TSTD2: variants seen among roughly 807,000 people sequenced by gnomAD.
TSTD2 encodes the protein thiosulfate sulfurtransferase like domain containing 2.
In TSTD2, 37 loss-of-function variants were observed where a neutral mutation model predicts 47.9. The observed-to-expected ratio is 0.77, with a 90% CI of 0.59 to 1.02. The LOEUF (loss-of-function observed/expected upper bound fraction) is 1.02, where lower values mean the gene tolerates loss of function less well. TSTD2 is among the 50% of genes least tolerant of loss of function. TSTD2 has a pLI of 0.00. For missense variants in TSTD2, 586 were observed against 616.0 expected, an observed-to-expected ratio of 0.95 and a Z score of 0.52; for synonymous variants, 201 against 215.9, an observed-to-expected ratio of 0.93 and a Z score of 0.61.
At chr9:97,609,368 A>C (rs964964052) in intron 6 of TSTD2, among the ~76,000 whole-genome samples, 1 of 152,210 alleles carries the variant, frequency 6.6e-6, no homozygotes, top group Non-Finnish European at 1.5e-5. Flanking sequence ...TGGGAATACA[A>C]TTATTATTGT....
At position 97,625,732 on chromosome 9, in the gene TSTD2, ACGTC is replaced by A; in HGVS notation, c.427_430del (p.Asp143CysfsTer8). ...GCTTATATCAGGGAGCCAAGCAGAC[ACGTC>A]ATGGCTATGTGGAAGGCACTCTTTT... On this transcript the variant is annotated frameshift_variant, in exon 3 of 10. Coordinates refer to ENST00000341170, the MANE Select transcript of TSTD2 (RefSeq NM_139246.5). LOFTEE classifies it high-confidence loss of function. The A allele has an allele frequency of 6.2e-7, 1 of 1,614,088 alleles. No individual in the cohort carries two copies. Among genetic ancestry groups the A allele is most frequent in the East Asian group, 2.2e-5 (1 of 44,878 alleles).
At chr9:97,611,807 G>C (rs1587978137) in intron 4 of TSTD2, 108 bp from the exon 5 acceptor site, 5 of 1,182,908 alleles carry the variant, frequency 4.2e-6, no homozygotes, top group Non-Finnish European at 4.8e-6. Flanking sequence ...AGGAAAAGCA[G>C]AGACGCTGAT....
At chr9:97,611,806 A>G (rs1489241604) in intron 4 of TSTD2, 107 bp from the exon 5 acceptor site, 2 of 1,172,372 alleles carry the variant, frequency 1.7e-6, no homozygotes, top group Non-Finnish European at 2.4e-6. Flanking sequence ...CAGGAAAAGC[A>G]GAGACGCTGA....
chr9:97,609,644 G>A (rs1211253695), intron 6 of TSTD2, among the ~76,000 whole-genome samples: 5 of 152,052 alleles, frequency 3.3e-5, no homozygotes, highest in South Asian at 2.1e-4. Flanking sequence ...ATGTGATATC[G>A]TTTTGCATCT....
At chr9:97,621,299 G>A (rs944417044) in intron 3 of TSTD2, among the ~76,000 whole-genome samples, 10 of 152,146 alleles carry the variant, frequency 6.6e-5, no homozygotes, top group Non-Finnish European at 1.0e-4. Flanking sequence ...TTCATAAGCT[G>A]AGGATGTATG....
chr9:97,601,376 C>A lies in TSTD2; in HGVS notation c.*1093G>T. 5.6e-6 allele frequency: 6 copies of A among 1,071,656 alleles called. No homozygotes were observed. In the South Asian group the frequency reaches 9.8e-5, roughly 17 times the overall value. The allele number at this position is 1,071,656 out of a possible 1,614,324, so 66.4% of individuals were successfully genotyped here. ...CCTCAGTAAGAATGTGTCATGTATT[C>A]CAGGTGCTGATCTAAAAACTGTGGC... On this transcript the variant is annotated 3_prime_UTR_variant, in exon 10 of 10. Coordinates refer to ENST00000341170, the MANE Select transcript of TSTD2 (RefSeq NM_139246.5).
Position 97,601,599 on chromosome 9 carries a change from C to G in TSTD2, c.*870G>C. On this transcript the variant is annotated 3_prime_UTR_variant, in exon 10 of 10. Transcript: ENST00000341170. Reference sequence around the variant, plus strand: ...GCTGCTGGTCTAGATCAGGGGCTGGCAAACTTTTCTGTAAAAGGCCAGACA... The same window carrying G: ...GCTGCTGGTCTAGATCAGGGGCTGGGAAACTTTTCTGTAAAAGGCCAGACA... 1.0e-6 allele frequency: 1 copy of G among 987,144 alleles called. No individual in the cohort carries two copies. The highest frequency in any genetic ancestry group is 4.7e-5 in the South Asian group (1 of 21,422). The allele number at this position is 987,144 out of a possible 1,614,324, so 61.1% of individuals were successfully genotyped here.
intron 3 of TSTD2, among the ~76,000 whole-genome samples, chr9:97,624,929 CCTTT>C (rs1245379374): frequency 6.6e-6 from 1 of 152,040 alleles, no homozygotes; most frequent in African/African-American, 2.4e-5. Context: ...AGAAACCCCC[CCTTT>C]TTTTTGCTTA....
At chr9:97,625,267 T>C (rs1454860590) in intron 3 of TSTD2, among the ~76,000 whole-genome samples, 2 of 152,260 alleles carry the variant, frequency 1.3e-5, no homozygotes, top group African/African-American at 4.8e-5. Context: ...TAGCAGTTCA[T>C]AGCACTTTAT....
At chr9:97,631,665 G>A (rs930020149) in intron 1 of TSTD2, among the ~76,000 whole-genome samples, 1 of 152,090 alleles carries the variant, frequency 6.6e-6, no homozygotes, top group Non-Finnish European at 1.5e-5. Context: ...CCAACATGGC[G>A]AAACCCCATC....
chr9:97,626,152 T>G (rs1281599228), intron 2 of TSTD2, among the ~76,000 whole-genome samples, 155 bp from the exon 3 acceptor site: 1 of 152,224 alleles, frequency 6.6e-6, no homozygotes, highest in Non-Finnish European at 1.5e-5. Context: ...ACACTTCTCT[T>G]ATTAGTAAGC....
intron 1 of TSTD2, among the ~76,000 whole-genome samples, chr9:97,632,770 AT>A (rs976231735): frequency 1.3e-5 from 2 of 152,170 alleles, no homozygotes; most frequent in African/African-American, 4.8e-5. Context: ...TTTACAGATA[AT>A]TGTTATGTAA....
Position 97,601,161 on chromosome 9 carries a change from C to T in TSTD2, c.*1308G>A, listed in dbSNP as rs1465325722. ...GAGTGGCACCATGTTGCAGGGACAA[C>T]CATCCCCATTTGGCTTCTCCTTAAA... On this transcript the variant is annotated 3_prime_UTR_variant, in exon 10 of 10. Transcript: ENST00000341170. 2.9e-5 allele frequency: 38 copies of T among 1,301,786 alleles called. No individual in the cohort carries two copies. Among genetic ancestry groups the T allele is most frequent in the Non-Finnish European group, 3.8e-5 (38 of 988,046 alleles). The allele number at this position is 1,301,786 out of a possible 1,614,324, so 80.6% of individuals were successfully genotyped here.
intron 1 of TSTD2, among the ~76,000 whole-genome samples, chr9:97,632,849 A>C (rs1826856436): frequency 6.6e-6 from 1 of 152,230 alleles, no homozygotes; most frequent in East Asian, 1.9e-4. Context: ...GACGTCATTT[A>C]CTGAAATGGG....
chr9:97,627,317 G>T, intron 2 of TSTD2, 81 bp downstream of exon 2: 1 of 1,499,210 alleles, frequency 6.7e-7, no homozygotes. Flanking sequence ...TTGAGCTGGA[G>T]AGCAACCTTG....
In TSTD2 at chr9:97,606,288, TAAAAC is replaced by T. The variant is rs760292902; in HGVS notation, c.836-32_836-28del. 4.8e-6 allele frequency: 7 copies of T among 1,452,884 alleles called. No individual in the cohort carries two copies. In the East Asian group the frequency reaches 6.8e-5, roughly 14 times the overall value. The allele number at this position is 1,452,884 out of a possible 1,614,324, so 90.0% of individuals were successfully genotyped here. On this transcript the variant is annotated intron_variant, in intron 6 of 9. Coordinates refer to ENST00000341170, the MANE Select transcript of TSTD2 (RefSeq NM_139246.5). ...TAAAACCAAACCAAAAAAATTATAT[TAAAAC>T]AAAGACAAAAAAACCAAAACCCAAT...
chr9:97,630,510 T>A (rs73551089), intron 1 of TSTD2, among the ~76,000 whole-genome samples: 2,135 of 126,100 alleles, frequency 0.017, 102 homozygotes, highest in East Asian at 0.13. Flanking sequence ...AACAAACAAA[T>A]CATGAAAATA....
At chr9:97,605,260 C>A (rs1826345407) in intron 8 of TSTD2, among the ~76,000 whole-genome samples, 1 of 152,222 alleles carries the variant, frequency 6.6e-6, no homozygotes, top group African/African-American at 2.4e-5. Flanking sequence ...CCTTTTACAT[C>A]TGATGAGTCT....
At position 97,606,249 on chromosome 9, in the gene TSTD2, G is replaced by A. The variant is rs780228441; in HGVS notation, c.848C>T (p.Ser283Phe). ...TACTTCTTTATGAAATTCACCTGGGGATAAATGGATTCCTAAAACCAAACC... is the reference window on the plus strand; with the variant it reads ...TACTTCTTTATGAAATTCACCTGGGAATAAATGGATTCCTAAAACCAAACC... ...ISYKKPGIHL[S>F]PGEFHKEVEK... The change falls in exon 7 of 10, where the codon TCC (serine) becomes TTC (phenylalanine). Residue 283 changes from serine (S) to phenylalanine (F), a missense_variant. By Grantham distance (155) the Ser-to-Phe change is radical (BLOSUM62 -2). Coordinates refer to ENST00000341170, the MANE Select transcript of TSTD2 (RefSeq NM_139246.5). 28 of 1,595,592 alleles carry A rather than the reference G, an allele frequency of 1.8e-5. No homozygotes were observed. The highest frequency in any genetic ancestry group is 2.2e-5 in the Non-Finnish European group (26 of 1,171,612).
Sources: allele counts gnomAD v4.1 joint callset (sites outside exome capture counted in the v4.1 genomes callset), GRCh38; gene constraint gnomAD v4.1.1; transcripts MANE v1.5; gene names NCBI Gene and HGNC (gene_info 2026-07-23, HGNC 2026-07-21).